The following SIAH3 variants were observed in gnomAD, a reference collection of about 807,000 sequenced individuals.
The protein encoded by SIAH3 is siah E3 ubiquitin protein ligase family member 3.
Under a neutral mutation model 12.6 loss-of-function variants are expected in SIAH3, and 9 were observed. The observed-to-expected ratio is 0.72, with a 90% CI of 0.43 to 1.25. The LOEUF (loss-of-function observed/expected upper bound fraction) is 1.25, where lower values mean the gene tolerates loss of function less well. Among genes scored for constraint, SIAH3 ranks in the 50% most tolerant of loss-of-function variants. SIAH3 has a pLI of 0.00. For missense variants in SIAH3, 390 were observed against 365.4 expected, an observed-to-expected ratio of 1.07 and a Z score of -0.55; for synonymous variants, 154 against 151.1, an observed-to-expected ratio of 1.02 and a Z score of -0.14.
intron 1 of SIAH3, among the ~76,000 whole-genome samples, chr13:45,796,088 C>T (rs931785539): frequency 6.6e-6 from 1 of 152,094 alleles, no homozygotes; most frequent in African/African-American, 2.4e-5. Flanking sequence ...CTTGGTGGGA[C>T]CCGAGGGAGC....
At chr13:45,816,827 C>T (rs1308560729) in intron 1 of SIAH3, among the ~76,000 whole-genome samples, 1 of 152,130 alleles carries the variant, frequency 6.6e-6, no homozygotes, top group African/African-American at 2.4e-5. Context: ...CAGGTAGTAG[C>T]AATGAACAGT....
chr13:45,791,482 T>A (rs1950545509), intron 1 of SIAH3, among the ~76,000 whole-genome samples: 1 of 152,176 alleles, frequency 6.6e-6, no homozygotes, highest in Admixed American at 6.5e-5. Flanking sequence ...CCCTTCCATC[T>A]CAGGTGCTAT....
Position 45,783,352 on chromosome 13 carries a change from G to A in SIAH3, c.*31C>T. On this transcript the variant is annotated 3_prime_UTR_variant, in exon 2 of 2. Coordinates refer to ENST00000400405, the MANE Select transcript of SIAH3 (RefSeq NM_198849.3). ...GAGGTCCCAGGCGTTTCCTAGGGAG[G>A]CTGTGTGGGGAGCATCCGTGGCTCC... The A allele has an allele frequency of 1.3e-6, 2 of 1,582,686 alleles. No individual in the cohort carries two copies. Among genetic ancestry groups the A allele is most frequent in the Non-Finnish European group, 1.7e-6 (2 of 1,158,586 alleles).
Position 45,783,409 on chromosome 13 carries a change from C to T in SIAH3, c.784G>A (p.Val262Ile). Reference sequence around the variant, plus strand: ...CACATTTCAGCTTCTGAGGGGAGGACCTCTGTCGCGGTGATGGCAATCCCA... The same window carrying T: ...CACATTTCAGCTTCTGAGGGGAGGATCTCTGTCGCGGTGATGGCAATCCCA... ...AIGIAITATEVLPSEAEM is the reference protein window; with the variant it reads ...AIGIAITATEILPSEAEM The change falls in exon 2 of 2, where the codon GTC becomes ATC. Residue 262 changes from valine (V) to isoleucine (I), a missense_variant. Coordinates refer to ENST00000400405, the MANE Select transcript of SIAH3 (RefSeq NM_198849.3). 1.2e-6 allele frequency: 2 copies of T among 1,612,876 alleles called. No individual in the cohort carries two copies. The highest frequency in any genetic ancestry group is 2.2e-5 in the South Asian group (2 of 91,012).
chr13:45,838,806 G>T (rs142465738), intron 1 of SIAH3, among the ~76,000 whole-genome samples: 1 of 151,828 alleles, frequency 6.6e-6, no homozygotes, highest in South Asian at 2.1e-4. Context: ...TTTTTCTCCC[G>T]CTTTCTAGGG....
chr13:45,836,858 C>A (rs1950719709), intron 1 of SIAH3, among the ~76,000 whole-genome samples: 1 of 152,228 alleles, frequency 6.6e-6, no homozygotes, highest in African/African-American at 2.4e-5. Flanking sequence ...TCCTGGATGT[C>A]CCCAGTTGCC....
At chr13:45,826,529 C>T (rs946186068) in intron 1 of SIAH3, among the ~76,000 whole-genome samples, 2 of 149,220 alleles carry the variant, frequency 1.3e-5, no homozygotes, top group African/African-American at 2.5e-5. Context: ...CAATCAATAG[C>T]GTTCTCTGCA....
chr13:45,822,553 A>ATATATATG (rs1950659752), intron 1 of SIAH3, among the ~76,000 whole-genome samples: 1 of 139,730 alleles, frequency 7.2e-6, no homozygotes, highest in Admixed American at 7.2e-5. Flanking sequence ...ATATATATAT[A>ATATATATG]TATTAGACTA....
intron 1 of SIAH3, among the ~76,000 whole-genome samples, chr13:45,839,622 G>A (rs893351582): frequency 1.3e-5 from 2 of 151,554 alleles, no homozygotes; most frequent in Non-Finnish European, 1.5e-5. Flanking sequence ...CACAAGGTCA[G>A]GAGATCAAGA....
At chr13:45,822,876 T>C (rs1046483560) in intron 1 of SIAH3, among the ~76,000 whole-genome samples, 1 of 151,994 alleles carries the variant, frequency 6.6e-6, no homozygotes, top group African/African-American at 2.4e-5. Context: ...TGGAAAGTTA[T>C]CTCTGTGAGG....
At chr13:45,813,125 C>A (rs1418730885) in intron 1 of SIAH3, among the ~76,000 whole-genome samples, 1 of 151,940 alleles carries the variant, frequency 6.6e-6, no homozygotes, top group East Asian at 1.9e-4. Context: ...GAGTCCCGGA[C>A]CTGATGGGAA....
rs1368325307 is a variant in SIAH3 at position 45,780,962 on chromosome 13, C to T, written c.*2421G>A. The T allele has an allele frequency of 6.6e-6, 1 of 152,256 alleles. No individual in the cohort carries two copies. The highest frequency in any genetic ancestry group is 1.5e-5 in the Non-Finnish European group (1 of 68,038). The allele number at this position is 152,256 out of a possible 1,614,324, so 9.4% of individuals were successfully genotyped here. On this transcript the variant is annotated 3_prime_UTR_variant, in exon 2 of 2. Coordinates refer to ENST00000400405, the MANE Select transcript of SIAH3 (RefSeq NM_198849.3). ...CCAATTCTTGGTTGTTAGTTTGCTCCTTCTTCTCCAGTTCTTCACATATGG... is the reference window on the plus strand; with the variant it reads ...CCAATTCTTGGTTGTTAGTTTGCTCTTTCTTCTCCAGTTCTTCACATATGG...
intron 1 of SIAH3, among the ~76,000 whole-genome samples, chr13:45,830,406 G>C (rs1202486592): frequency 2.0e-5 from 3 of 152,262 alleles, no homozygotes; most frequent in South Asian, 2.1e-4. Flanking sequence ...AAAGGGAAGT[G>C]TGAGCTCCAA....
intron 1 of SIAH3, among the ~76,000 whole-genome samples, chr13:45,838,724 G>A (rs752830340): frequency 2.0e-5 from 3 of 152,144 alleles, no homozygotes; most frequent in East Asian, 1.9e-4. Flanking sequence ...TTTCCCAGAC[G>A]TCAGTGCTGT....
intron 1 of SIAH3, among the ~76,000 whole-genome samples, chr13:45,846,084 C>CTTTTTTTTTTT (rs386379026): frequency 1.8e-4 from 15 of 85,690 alleles, no homozygotes; most frequent in South Asian, 5.0e-4. Context: ...GACCTAACTT[C>CTTTTTTTTTTT]TTTTTTTTTT....
At chr13:45,825,243 C>T (rs1338140091) in intron 1 of SIAH3, among the ~76,000 whole-genome samples, 2 of 152,164 alleles carry the variant, frequency 1.3e-5, no homozygotes, top group Admixed American at 6.6e-5. Context: ...TTGATGGGAG[C>T]GCTTTCTCCC....
intron 1 of SIAH3, among the ~76,000 whole-genome samples, chr13:45,824,083 T>A (rs1204914628): frequency 6.6e-6 from 1 of 152,208 alleles, no homozygotes; most frequent in Non-Finnish European, 1.5e-5. Context: ...AGGTCAAAGA[T>A]CCATTCTCAT....
At chr13:45,833,350 G>A (rs1002931158) in intron 1 of SIAH3, among the ~76,000 whole-genome samples, 1 of 152,022 alleles carries the variant, frequency 6.6e-6, no homozygotes, top group Middle Eastern at 3.2e-3. Flanking sequence ...TCCCTCCCAG[G>A]GCCCTCAGGC....
chr13:45,822,822 T>A (rs1950661020), intron 1 of SIAH3, among the ~76,000 whole-genome samples: 1 of 152,058 alleles, frequency 6.6e-6, no homozygotes. Context: ...TAAAGTGCCG[T>A]GTTCTTGCAC....
Sources: gnomAD v4.1 joint callset for allele counts (sites outside exome capture counted in the v4.1 genomes callset) on GRCh38, gnomAD v4.1.1 for gene constraint, MANE v1.5 for transcripts, NCBI Gene and HGNC (gene_info 2026-07-23, HGNC 2026-07-21) for gene names.